Variants in RANBP2 observed in about 807,000 individuals in gnomAD.
The protein encoded by RANBP2 is RAN binding protein 2, also known as E3 SUMO-protein ligase RanBP2.
A neutral mutation model predicts 303.6 loss-of-function variants in RANBP2; 57 were observed. The ratio of observed to expected loss-of-function variants is 0.19; its 90% CI spans 0.15 to 0.23. The LOEUF (loss-of-function observed/expected upper bound fraction) is 0.23, where lower values mean the gene tolerates loss of function less well. Ranked by LOEUF, RANBP2 falls within the 10% of genes least tolerant of loss-of-function variation. The pLI is 1.00. For missense variants in RANBP2, 3,138 were observed against 3,780.8 expected, an observed-to-expected ratio of 0.83 and a Z score of 4.46; for synonymous variants, 1,167 against 1,301.5, an observed-to-expected ratio of 0.90 and a Z score of 2.23.
At chr2:109,431,959 T>C in the RANBP2 span, among the ~76,000 whole-genome samples, 24 of 152,106 alleles carry the variant, frequency 1.6e-4, no homozygotes, top group Non-Finnish European at 2.5e-4. Context: ...ACCTTTCCCT[T>C]AAAAAGGGCC....
the RANBP2 span, among the ~76,000 whole-genome samples, chr2:108,855,366 A>G: frequency 6.6e-6 from 1 of 152,168 alleles, no homozygotes; most frequent in Non-Finnish European, 1.5e-5. Context: ...AATCTTGTCA[A>G]ATTATATACT....
chr2:108,755,254 A>G lies in RANBP2; in HGVS notation c.2461A>G (p.Ile821Val), dbSNP rs1230203419. The change falls in exon 17 of 29, where the codon ATT (isoleucine) becomes GTT (valine). Residue 821 changes from isoleucine (I) to valine (V), a missense_variant. Transcript: ENST00000283195. Reference sequence around the variant, plus strand: ...AATGATTTGCCAACAAGTAGAGGCCATTAAGGTAAGTCACTTAATTTCTCT... The same window carrying G: ...AATGATTTGCCAACAAGTAGAGGCCGTTAAGGTAAGTCACTTAATTTCTCT... ...LKMICQQVEA[I>V]KKEMQELKLN... is the part of the protein sequence containing the mutation. 1.9e-6 allele frequency: 3 copies of G among 1,611,908 alleles called. No homozygotes were observed. Among genetic ancestry groups the G allele is most frequent in the Admixed American group, 1.7e-5 (1 of 60,004 alleles).
chr2:109,794,614 G>GGGT, the RANBP2 span: 2 of 72,260 alleles, frequency 2.8e-5, no homozygotes, highest in African/African-American at 2.3e-4. Context: ...GCGGCGGGGG[G>GGGT]GGCGGCGGCG....
chr2:108,812,820 A>G, the RANBP2 span: 1 of 1,612,850 alleles, frequency 6.2e-7, no homozygotes, highest in East Asian at 2.2e-5. Context: ...ACTGTTGCAG[A>G]GGAAGTACGA....
chr2:109,462,676 CCTCT>C, the RANBP2 span, among the ~76,000 whole-genome samples: 1 of 152,290 alleles, frequency 6.6e-6, no homozygotes, highest in East Asian at 1.9e-4. Context: ...GCATAACAGC[CCTCT>C]CTCCACAGGT....
At chr2:109,439,103 G>A in the RANBP2 span, among the ~76,000 whole-genome samples, 1 of 152,154 alleles carries the variant, frequency 6.6e-6, no homozygotes, top group Non-Finnish European at 1.5e-5. Flanking sequence ...AGCCCTGCCA[G>A]TCACTTCTCC....
the RANBP2 span, among the ~76,000 whole-genome samples, chr2:109,498,160 C>T: frequency 1.3e-3 from 205 of 152,306 alleles, no homozygotes; most frequent in African/African-American, 4.1e-3. Flanking sequence ...CCTTCCTTCC[C>T]GCCTGCATGT....
At chr2:109,656,916 C>T in the RANBP2 span, among the ~76,000 whole-genome samples, 2 of 151,998 alleles carry the variant, frequency 1.3e-5, no homozygotes, top group African/African-American at 2.4e-5. Flanking sequence ...TAGGGCGGTT[C>T]ATAGAAGAAA....
chr2:108,771,614 A>C (rs1677499199), intron 20 of RANBP2, 87 bp from the exon 21 acceptor site: 1 of 1,583,810 alleles, frequency 6.3e-7, no homozygotes, highest in African/African-American at 1.4e-5. Context: ...ACCTATAGAT[A>C]GGTTCCATGG....
At chr2:109,407,167 C>T in the RANBP2 span, among the ~76,000 whole-genome samples, 1 of 144,314 alleles carries the variant, frequency 6.9e-6, no homozygotes, top group African/African-American at 2.4e-5. Flanking sequence ...CCAGCCAGGA[C>T]CAGCACCTTC....
chr2:109,670,632 T>C, the RANBP2 span, among the ~76,000 whole-genome samples: 2 of 152,192 alleles, frequency 1.3e-5, no homozygotes, highest in African/African-American at 4.8e-5. Flanking sequence ...CTGACCTCGT[T>C]CTGCTGCTGC....
chr2:108,913,229 A>T, the RANBP2 span, among the ~76,000 whole-genome samples: 10 of 152,048 alleles, frequency 6.6e-5, no homozygotes, highest in East Asian at 1.9e-4. Context: ...GATTACAGGC[A>T]TGAGCCACCG....
chr2:108,946,300 G>A, the RANBP2 span, among the ~76,000 whole-genome samples: 1 of 152,220 alleles, frequency 6.6e-6, no homozygotes, highest in African/African-American at 2.4e-5. Flanking sequence ...ACAGTGACGG[G>A]AGTAGCACCT....
chr2:108,782,629 A>C lies in RANBP2; in HGVS notation c.9136A>C (p.Lys3046Gln). 1 of 1,614,246 alleles carries C rather than the reference A, an allele frequency of 6.2e-7. No homozygotes were observed. The highest frequency in any genetic ancestry group is 8.5e-7 in the Non-Finnish European group (1 of 1,180,042). Residue 3046 changes from lysine to glutamine, a missense_variant, in exon 28 of 29, where the codon AAA becomes CAA. Coordinates refer to ENST00000283195, the MANE Select transcript of RANBP2 (RefSeq NM_006267.5). ...TGAAGAATGTCAGCAGAATTTAATGAAACTCCAGAAAGGACATGTATCACT... is the reference window on the plus strand; with the variant it reads ...TGAAGAATGTCAGCAGAATTTAATGCAACTCCAGAAAGGACATGTATCACT... ...TFEECQQNLM[K>Q]LQKGHVSLAA...
At chr2:109,527,451 CA>C in the RANBP2 span, among the ~76,000 whole-genome samples, 1 of 152,166 alleles carries the variant, frequency 6.6e-6, no homozygotes, top group Non-Finnish European at 1.5e-5. Flanking sequence ...ATGTGTCTCA[CA>C]GATCCTAAAC....
At chr2:109,505,934 A>G in the RANBP2 span, among the ~76,000 whole-genome samples, 1 of 152,230 alleles carries the variant, frequency 6.6e-6, no homozygotes, top group Admixed American at 6.5e-5. Context: ...CGTCCCAGCC[A>G]GCTTGCCAAG....
chr2:109,674,974 CT>C, the RANBP2 span, among the ~76,000 whole-genome samples: 2 of 151,994 alleles, frequency 1.3e-5, no homozygotes, highest in Admixed American at 6.6e-5. Context: ...TTTTCAGCTA[CT>C]TTTTTTCTTT....
the RANBP2 span, among the ~76,000 whole-genome samples, chr2:109,654,971 C>T: frequency 1.3e-5 from 2 of 151,266 alleles, no homozygotes; most frequent in South Asian, 2.1e-4. Context: ...GGCGTGATCT[C>T]GGCTCATTGC....
chr2:109,143,549 C>G, the RANBP2 span, among the ~76,000 whole-genome samples: 1 of 152,036 alleles, frequency 6.6e-6, no homozygotes, highest in African/African-American at 2.4e-5. Flanking sequence ...TTGAGACCAG[C>G]CTGGGCAACA....
Sources: gnomAD v4.1 joint callset for allele counts (sites outside exome capture counted in the v4.1 genomes callset) on GRCh38, gnomAD v4.1.1 for gene constraint, MANE v1.5 for transcripts, NCBI Gene and HGNC (gene_info 2026-07-23, HGNC 2026-07-21) for gene names.